Variants in CEP290 observed in about 807,000 individuals in gnomAD.
CEP290 encodes centrosomal protein 290.
A neutral mutation model predicts 344.9 loss-of-function variants in CEP290; 317 were observed. The observed-to-expected ratio is 0.92, with a 90% CI of 0.84 to 1.01. The LOEUF (loss-of-function observed/expected upper bound fraction) is 1.01, where lower values mean the gene tolerates loss of function less well. CEP290 is among the 50% of genes least tolerant of loss of function. The pLI is 0.00. For synonymous variants in CEP290, 932 were observed against 895.8 expected (o/e 1.04, Z -0.72); for missense variants, 2,754 against 2,761.4 (o/e 1.00, Z 0.06).
intron 19 of CEP290, 80 bp downstream of exon 19, chr12:88,115,018 T>C: frequency 1.1e-5 from 8 of 703,050 alleles, no homozygotes; most frequent in South Asian, 1.1e-4. Flanking sequence ...AAACAGAGAA[T>C]GTGTTAACGC....
chr12:88,061,257 G>A (rs942576091), intron 46 of CEP290, among the ~76,000 whole-genome samples: 3 of 152,126 alleles, frequency 2.0e-5, no homozygotes, highest in Admixed American at 6.5e-5. Context: ...TAGCCTTGAT[G>A]TCTGATCAAA....
At chr12:88,050,944 A>T (rs973433274) in intron 52 of CEP290, among the ~76,000 whole-genome samples, 2 of 152,168 alleles carry the variant, frequency 1.3e-5, no homozygotes, top group Non-Finnish European at 2.9e-5. Context: ...ATACTTTGGT[A>T]GGAAAACAAA....
intron 37 of CEP290, 38 bp from the exon 38 acceptor site, chr12:88,080,433 ATTT>A: frequency 6.7e-6 from 10 of 1,502,538 alleles, no homozygotes; most frequent in Non-Finnish European, 9.1e-6. Context: ...GTGTTTTTTA[ATTT>A]TTAATTTTTT....
chr12:88,107,366 T>G (rs936221524), intron 23 of CEP290, among the ~76,000 whole-genome samples: 1 of 152,084 alleles, frequency 6.6e-6, no homozygotes, highest in Non-Finnish European at 1.5e-5. Context: ...ATAATATAAT[T>G]GAAGCTGAAT....
intron 20 of CEP290, among the ~76,000 whole-genome samples, chr12:88,114,179 A>G (rs113908036): frequency 4.9e-4 from 74 of 152,268 alleles, no homozygotes; most frequent in Non-Finnish European, 6.6e-4. Flanking sequence ...TGACCCTTGA[A>G]CCAAAAGAAC....
intron 37 of CEP290, 36 bp from the exon 38 acceptor site, chr12:88,080,431 T>A: frequency 6.7e-7 from 1 of 1,502,470 alleles, no homozygotes; most frequent in Non-Finnish European, 9.1e-7. Context: ...GTGTGTTTTT[T>A]AATTTTTAAT....
At chr12:88,073,844 T>C (rs1430236803) in intron 41 of CEP290, among the ~76,000 whole-genome samples, 1 of 152,202 alleles carries the variant, frequency 6.6e-6, no homozygotes, top group East Asian at 1.9e-4. Context: ...TCTCGAATAC[T>C]AGAGAACTAT....
chr12:88,108,343 T>G (rs1052731610), intron 23 of CEP290, among the ~76,000 whole-genome samples: 3 of 152,170 alleles, frequency 2.0e-5, no homozygotes, highest in Non-Finnish European at 4.4e-5. Flanking sequence ...ATAAAAGCTA[T>G]GTAGAAAAAA....
Position 88,115,729 on chromosome 12 carries a change from GAAC to G in CEP290, c.1825-550_1825-548del, listed in dbSNP as rs1334205319. On this transcript the variant is annotated intron_variant, in intron 18 of 53. Coordinates refer to ENST00000552810, the MANE Select transcript of CEP290 (RefSeq NM_025114.4). ...GAACTTTGTTAGAGACGTCATAAAA[GAAC>G]AACCACAGAAATATAATTTGGAGAA... The G allele has an allele frequency of 4.3e-6, 4 of 919,712 alleles. No homozygotes were observed. The African/African-American group carries it at 7.2e-5, about 16-fold the overall frequency. The allele number at this position is 919,712 out of a possible 1,614,324, so 57.0% of individuals were successfully genotyped here.
In CEP290 at chr12:88,080,325, C is replaced by A. The variant is rs1209477107; in HGVS notation, c.5083G>T (p.Asp1695Tyr). The change falls in exon 38 of 54, where the codon GAC (aspartate) becomes TAC (tyrosine). Residue 1695 changes from aspartate to tyrosine, a missense_variant. Asp to Tyr is a radical substitution (Grantham distance 160, BLOSUM62 -3). Coordinates refer to ENST00000552810, the MANE Select transcript of CEP290 (RefSeq NM_025114.4). ...CACTGTGACTCCTTTTGTGACTGGT[C>A]CAGAAGATACTTTAAATCCTCTACT... ...AEVEDLKYLLDQSQKESQCLK... is the reference protein window; with the variant it reads ...AEVEDLKYLLYQSQKESQCLK... 1 of 1,613,672 alleles carries A rather than the reference C, an allele frequency of 6.2e-7. No homozygotes were observed. The highest frequency in any genetic ancestry group is 1.1e-5 in the South Asian group (1 of 91,040).
chr12:88,100,905 C>T (rs2037820337), intron 26 of CEP290, among the ~76,000 whole-genome samples: 1 of 152,140 alleles, frequency 6.6e-6, no homozygotes, highest in Non-Finnish European at 1.5e-5. Flanking sequence ...AGAAAGAACA[C>T]TGTGGTCAGA....
At chr12:88,083,289 A>G (rs2036328647) in intron 36 of CEP290, 59 bp from the exon 37 acceptor site, 1 of 960,752 alleles carries the variant, frequency 1.0e-6, no homozygotes, top group African/African-American at 1.7e-5. Context: ...TACTTATTCC[A>G]TATTTTTAAT....
intron 45 of CEP290, among the ~76,000 whole-genome samples, chr12:88,063,135 G>A (rs2034609338): frequency 9.1e-6 from 1 of 110,360 alleles, no homozygotes. Flanking sequence ...AGAATAAGAA[G>A]CAGTACCAAA....
chr12:88,080,544 C>T (rs980409567), intron 37 of CEP290, 149 bp from the exon 38 acceptor site: 1 of 595,152 alleles, frequency 1.7e-6, no homozygotes, highest in African/African-American at 1.9e-5. Context: ...ATTTTTTTGC[C>T]TCAACTTCCT....
intron 25 of CEP290, among the ~76,000 whole-genome samples, chr12:88,104,710 T>G (rs1320239864): frequency 6.6e-6 from 1 of 152,082 alleles, no homozygotes; most frequent in African/African-American, 2.4e-5. Context: ...GCAAGATATA[T>G]TCTGAAGAAA....
In CEP290 at chr12:88,111,264, TC is replaced by T. The variant is rs2038668800; in HGVS notation, c.2304del (p.Ile769Ter). 2 of 1,543,466 alleles carry T rather than the reference TC, an allele frequency of 1.3e-6. No homozygotes were observed. The highest frequency in any genetic ancestry group is 1.8e-6 in the Non-Finnish European group (2 of 1,141,666). On this transcript the variant is annotated frameshift_variant, in exon 22 of 54. Transcript: ENST00000552810. LOFTEE classifies it high-confidence loss of function. ...ATGATACTGGCACTAGATGGTGCTA[TC>T]CCATCAGGTAAGTCAATTCCTTTAA... is the stretch of plus-strand genomic sequence containing the variant. ...VVFKGIDLPDGIAPSSASIIN... is the reference protein window; with the variant it reads ...VVFKGIDLPDXIAPSSASIIN...
At position 88,136,508 on chromosome 12, in the gene CEP290, T is replaced by C. The variant is rs1290717055; in HGVS notation, c.441+135A>G. On this transcript the variant is annotated intron_variant, in intron 6 of 53. Coordinates refer to ENST00000552810, the MANE Select transcript of CEP290 (RefSeq NM_025114.4). ...TTGGTGATGACAAAATGAACAGTGA[T>C]ATAAAACCTTAGAGATAAGTGTACA... 4.9e-6 allele frequency: 4 copies of C among 817,840 alleles called. No individual in the cohort carries two copies. In the Admixed American group the frequency reaches 7.3e-5, roughly 15 times the overall value. 50.7% of individuals were successfully genotyped at this position (817,840 alleles called of 1,614,324 possible). A position where few individuals can be genotyped will look rare whatever the true frequency, so the allele number is the denominator to read the frequency against.
Position 88,092,820 on chromosome 12 carries a change from T to C in CEP290, c.3322A>G (p.Asn1108Asp). ...ETKFAELTKI[N>D]LDAQKVEQML... The stretch of plus-strand genomic sequence containing the variant: ...TGTTCCACCTTCTGTGCATCCAAAT[T>C]GATTTTGGTAAGCTAAGGAAATGTA... Residue 1108 changes from asparagine (N) to aspartate (D), a missense_variant, in exon 29 of 54, where the codon AAT (asparagine) becomes GAT (aspartate). Coordinates refer to ENST00000552810, the MANE Select transcript of CEP290 (RefSeq NM_025114.4). The C allele has an allele frequency of 1.2e-6, 2 of 1,610,032 alleles. No individual in the cohort carries two copies. Among genetic ancestry groups the C allele is most frequent in the Middle Eastern group, 1.7e-4 (1 of 6,050 alleles).
At position 88,126,219 on chromosome 12, in the gene CEP290, T is replaced by C. The variant is rs570896998; in HGVS notation, c.1065+97A>G. ...TTATACACTTGGTAGTACCAGCCGC[T>C]ACACTAGGCACTGATGATATAATAA... On this transcript the variant is annotated intron_variant, in intron 12 of 53. Coordinates refer to ENST00000552810, the MANE Select transcript of CEP290 (RefSeq NM_025114.4). 9.8e-5 allele frequency: 97 copies of C among 989,982 alleles called. No individual in the cohort carries two copies. The African/African-American group carries it at 1.5e-3, about 15-fold the overall frequency. 61.3% of individuals were successfully genotyped at this position (989,982 alleles called of 1,614,324 possible).
Sources: gnomAD v4.1 joint callset for allele counts (sites outside exome capture counted in the v4.1 genomes callset) on GRCh38, gnomAD v4.1.1 for gene constraint, MANE v1.5 for transcripts, NCBI Gene and HGNC (gene_info 2026-07-23, HGNC 2026-07-21) for gene names.